The following TNPO1 variants were observed in gnomAD, a reference collection of about 807,000 sequenced individuals.
The protein encoded by TNPO1 is transportin-1.
TNPO1 carries 8 observed loss-of-function variants against 119.5 expected under a neutral mutation model. That is an observed-to-expected ratio of 0.07 (90% CI 0.04 to 0.12). The LOEUF is 0.12. Ranked by LOEUF, TNPO1 falls within the 10% of genes least tolerant of loss-of-function variation. The pLI, the probability that TNPO1 is intolerant of heterozygous loss-of-function variation, is 1.00. For synonymous variants in TNPO1, 362 were observed against 363.0 expected, an observed-to-expected ratio of 1.00 and a Z score of 0.03; for missense variants, 576 against 1,089.8, an observed-to-expected ratio of 0.53 and a Z score of 6.64.
Position 72,883,163 on chromosome 5 carries a change from G to A in TNPO1, c.1081G>A (p.Gly361Arg), listed in dbSNP as rs1016712057. The A allele has an allele frequency of 6.2e-7, 1 of 1,612,348 alleles. No homozygotes were observed. Among genetic ancestry groups the A allele is most frequent in the Non-Finnish European group, 8.5e-7 (1 of 1,178,458 alleles). The part of the protein sequence containing the change: ...RTVAQQHDED[G>R]IEEEDDDDDE... ...GGTGGCTCAGCAGCATGATGAAGATGGAATTGAAGAGGAAGATGATGATGA... is the reference window on the plus strand; with the variant it reads ...GGTGGCTCAGCAGCATGATGAAGATAGAATTGAAGAGGAAGATGATGATGA... Residue 361 changes from glycine to arginine, a missense_variant, in exon 11 of 25, where the codon GGA (glycine) becomes AGA (arginine). Coordinates refer to ENST00000337273, the MANE Select transcript of TNPO1 (RefSeq NM_002270.4).
chr5:72,870,244 T>A (rs1355766350), intron 6 of TNPO1, among the ~76,000 whole-genome samples: 1 of 130,594 alleles, frequency 7.7e-6, no homozygotes, highest in African/African-American at 2.8e-5. Flanking sequence ...CACTGCAACC[T>A]CCACCTCCCA....
Position 72,899,146 on chromosome 5 carries a change from T to C in TNPO1, c.2339-860T>C, listed in dbSNP as rs115709282. Among the ~76,000 whole-genome samples, 536 of 152,322 alleles carry C rather than the reference T, an allele frequency of 3.5e-3. 5 individuals are homozygous for C. Among genetic ancestry groups the C allele is most frequent in the African/African-American group, 0.013 (520 of 41,588 alleles). The stretch of plus-strand genomic sequence containing the variant: ...AAAAAATAGTGTGTAATTAGTATAA[T>C]GTATTATCTATTTTGTGCTATACCT... On this transcript the variant is annotated intron_variant, in intron 20 of 24. Coordinates refer to ENST00000337273, the MANE Select transcript of TNPO1 (RefSeq NM_002270.4).
chr5:72,865,058 C>T (rs763077185), intron 5 of TNPO1, among the ~76,000 whole-genome samples: 1 of 152,210 alleles, frequency 6.6e-6, no homozygotes, highest in Non-Finnish European at 1.5e-5. Context: ...ATATCCTCCA[C>T]TTCTAAGTCA....
At chr5:72,879,506 T>A (rs1357902366) in intron 9 of TNPO1, among the ~76,000 whole-genome samples, 2 of 152,160 alleles carry the variant, frequency 1.3e-5, no homozygotes, top group African/African-American at 4.8e-5. Context: ...CTCAAGCCAG[T>A]CATGACTGAG....
intron 1 of TNPO1, among the ~76,000 whole-genome samples, chr5:72,827,704 A>T (rs1352913065): frequency 6.6e-6 from 1 of 152,156 alleles, no homozygotes; most frequent in Non-Finnish European, 1.5e-5. Context: ...AAGGGAATCA[A>T]GAGTTTTGTT....
chr5:72,858,821 A>G (rs907506204), intron 4 of TNPO1, among the ~76,000 whole-genome samples: 15 of 151,130 alleles, frequency 9.9e-5, no homozygotes, highest in Admixed American at 9.9e-4. Context: ...TGGATGACAG[A>G]GTGAGACTCC....
chr5:72,847,618 G>T (rs1745190575), intron 1 of TNPO1, among the ~76,000 whole-genome samples: 1 of 152,018 alleles, frequency 6.6e-6, no homozygotes, highest in South Asian at 2.1e-4. Context: ...TGTTTCCTTC[G>T]ACCCAAAGTC....
intron 3 of TNPO1, among the ~76,000 whole-genome samples, chr5:72,852,424 G>C (rs767793675): frequency 3.5e-4 from 54 of 152,298 alleles, no homozygotes; most frequent in Non-Finnish European, 5.9e-4. Context: ...TGTAGTGAGA[G>C]TTGTTTCTCA....
intron 11 of TNPO1, among the ~76,000 whole-genome samples, chr5:72,885,749 T>G (rs1391448912): frequency 4.0e-5 from 6 of 151,718 alleles, no homozygotes; most frequent in Non-Finnish European, 8.8e-5. Flanking sequence ...TTTGGTTTTT[T>G]TTTTTTTTTT....
chr5:72,822,984 T>C (rs1225863769), intron 1 of TNPO1, among the ~76,000 whole-genome samples: 1 of 151,272 alleles, frequency 6.6e-6, no homozygotes, highest in African/African-American at 2.4e-5. Context: ...CTATGCTTTT[T>C]CTTAAACCTC....
At chr5:72,885,128 G>T (rs1202811054) in intron 11 of TNPO1, among the ~76,000 whole-genome samples, 1 of 152,218 alleles carries the variant, frequency 6.6e-6, no homozygotes, top group Non-Finnish European at 1.5e-5. Flanking sequence ...GACTTTGCAT[G>T]CATATCAAAG....
intron 10 of TNPO1, 131 bp from the exon 11 acceptor site, chr5:72,882,933 T>TG: frequency 1.4e-6 from 1 of 717,550 alleles, no homozygotes; most frequent in Non-Finnish European, 2.4e-6. Flanking sequence ...GCGTGGTTCT[T>TG]AATCACTCTG....
chr5:72,870,642 C>T (rs896755939), intron 6 of TNPO1, among the ~76,000 whole-genome samples: 26 of 152,032 alleles, frequency 1.7e-4, no homozygotes, highest in African/African-American at 6.3e-4. Flanking sequence ...ATTAAACTTC[C>T]AAAGAAAGCA....
chr5:72,851,771 G>C (rs751706104), intron 3 of TNPO1, among the ~76,000 whole-genome samples: 3 of 152,232 alleles, frequency 2.0e-5, no homozygotes, highest in African/African-American at 7.2e-5. Flanking sequence ...TCGGATTGCA[G>C]GTGTGAGCCA....
At chr5:72,873,579 A>G (rs1367249236) in intron 7 of TNPO1, among the ~76,000 whole-genome samples, 1 of 152,170 alleles carries the variant, frequency 6.6e-6, no homozygotes. Flanking sequence ...ACTACTACCT[A>G]CTATGGAACA....
At chr5:72,832,343 C>T (rs754923606) in intron 1 of TNPO1, among the ~76,000 whole-genome samples, 1 of 152,070 alleles carries the variant, frequency 6.6e-6, no homozygotes, top group Non-Finnish European at 1.5e-5. Context: ...AGCATTTTCT[C>T]ATGTTTGTTT....
At position 72,910,510 on chromosome 5, in the gene TNPO1, G is replaced by A. The variant is rs1475699686; in HGVS notation, c.*1837G>A. The A allele has an allele frequency of 1.3e-5, 2 of 152,620 alleles. No individual in the cohort carries two copies. The highest frequency in any genetic ancestry group is 6.5e-5 in the Admixed American group (1 of 15,272). The allele number at this position is 152,620 out of a possible 1,614,324, so 9.5% of individuals were successfully genotyped here. A position where few individuals can be genotyped will look rare whatever the true frequency, so the allele number is the denominator to read the frequency against. On this transcript the variant is annotated 3_prime_UTR_variant, in exon 25 of 25. Transcript: ENST00000337273. ...CTTTTTAACTCTGCTGGTCAGAGAT[G>A]AAGCCACGCCTTTCCATTTTTCAAT...
intron 5 of TNPO1, among the ~76,000 whole-genome samples, chr5:72,863,229 T>C (rs1746615593): frequency 6.6e-6 from 1 of 152,092 alleles, no homozygotes; most frequent in African/African-American, 2.4e-5. Flanking sequence ...TCGACTCCTA[T>C]ACCTCTCAAA....
intron 15 of TNPO1, among the ~76,000 whole-genome samples, chr5:72,892,106 G>GTAGATA (rs1749105121): frequency 6.6e-6 from 1 of 151,852 alleles, no homozygotes; most frequent in South Asian, 2.1e-4. Flanking sequence ...TCTATATAGA[G>GTAGATA]TAGATAGCAT....
Sources: gnomAD v4.1 joint callset for allele counts (sites outside exome capture counted in the v4.1 genomes callset) on GRCh38, gnomAD v4.1.1 for gene constraint, MANE v1.5 for transcripts, NCBI Gene and HGNC (gene_info 2026-07-23, HGNC 2026-07-21) for gene names.